The following CENPI variants were observed in gnomAD, a reference collection of about 807,000 sequenced individuals.
CENPI encodes centromere protein I, also known as FSH primary response 1.
CENPI carries 4 observed loss-of-function variants against 60.4 expected under a neutral mutation model. That is an observed-to-expected ratio of 0.07 (90% CI 0.03 to 0.15). The LOEUF is 0.15. CENPI is among the 10% of genes least tolerant of loss of function. The pLI, the probability that CENPI is intolerant of heterozygous loss-of-function variation, is 1.00. For missense variants in CENPI, 444 were observed against 534.5 expected, an observed-to-expected ratio of 0.83 and a Z score of 1.67; for synonymous variants, 157 against 189.4, an observed-to-expected ratio of 0.83 and a Z score of 1.40.
At chrX:101,181,547 C>T in the CENPI span, among the ~76,000 whole-genome samples, 6 of 112,099 alleles carry the variant, frequency 5.4e-5, no homozygotes, top group African/African-American at 1.3e-4. Flanking sequence ...TTATTATTTT[C>T]GATGCTATTA....
At chrX:101,141,839 C>T (rs902202655) in intron 16 of CENPI, among the ~76,000 whole-genome samples, 2 of 110,757 alleles carry the variant, frequency 1.8e-5, no homozygotes, top group African/African-American at 6.6e-5. Context: ...CTCAAGCAAT[C>T]CTCCCACCTC....
the CENPI span, among the ~76,000 whole-genome samples, chrX:101,174,874 G>A: frequency 2.7e-5 from 3 of 111,718 alleles, no homozygotes; most frequent in African/African-American, 9.8e-5. Flanking sequence ...TTGGGAGGCC[G>A]AGGCGGGTGG....
Position 101,123,834 on chromosome X carries a change from C to T in CENPI, c.688-2875C>T, listed in dbSNP as rs1323149444. 5.4e-5 allele frequency among the ~76,000 whole-genome samples: 6 copies of T among 111,265 alleles called. No individual in the cohort carries two copies. In the East Asian group the frequency reaches 8.5e-4, roughly 16 times the overall value. Reference sequence around the variant, plus strand: ...AACTCTTGGGCTCAAGCAATCCTCCCGCCTTGGCCTCCCAAAGTGCTGGGA... The same window carrying T: ...AACTCTTGGGCTCAAGCAATCCTCCTGCCTTGGCCTCCCAAAGTGCTGGGA... On this transcript the variant is annotated intron_variant, in intron 8 of 21. Coordinates refer to ENST00000682095, the MANE Select transcript of CENPI (RefSeq NM_001386188.2).
At chrX:101,100,781 A>G (rs950730519) in intron 2 of CENPI, 2 of 294,920 alleles carry the variant, frequency 6.8e-6, no homozygotes, top group East Asian at 5.6e-5. Flanking sequence ...GAGAACTTGC[A>G]TATGTTGCCT....
At chrX:101,114,340 T>C (rs1333039392) in intron 6 of CENPI, among the ~76,000 whole-genome samples, 2 of 112,057 alleles carry the variant, frequency 1.8e-5, no homozygotes, top group African/African-American at 3.2e-5. Context: ...CCATTTAAAG[T>C]ATTCAATTTG....
intron 8 of CENPI, among the ~76,000 whole-genome samples, chrX:101,125,343 A>T (rs1484391256): frequency 9.0e-6 from 1 of 111,374 alleles, no homozygotes; most frequent in African/African-American, 3.3e-5. Flanking sequence ...ATATGCTGTT[A>T]TCTCCTCTCT....
chrX:101,121,000 C>A (rs554387877), intron 8 of CENPI, among the ~76,000 whole-genome samples: 2 of 108,666 alleles, frequency 1.8e-5, no homozygotes, highest in South Asian at 8.1e-4. Context: ...CTTACCCTCC[C>A]GAGTAGCTGG....
the CENPI span, among the ~76,000 whole-genome samples, chrX:101,181,781 C>A: frequency 2.7e-5 from 3 of 111,274 alleles, no homozygotes; most frequent in African/African-American, 9.8e-5. Context: ...ATTTCATTTT[C>A]CTGACTAATT....
intron 8 of CENPI, among the ~76,000 whole-genome samples, chrX:101,123,694 C>G (rs749080753): frequency 9.1e-6 from 1 of 110,140 alleles, no homozygotes. Flanking sequence ...CTCAAGCGAT[C>G]CTCCCTCCTC....
chrX:101,122,705 G>A (rs1266344659), intron 8 of CENPI, among the ~76,000 whole-genome samples: 3 of 110,346 alleles, frequency 2.7e-5, no homozygotes, highest in African/African-American at 9.9e-5. Flanking sequence ...GTGAAACCCC[G>A]TCTCTACTAA....
In CENPI at chrX:101,102,400, G is replaced by C. The variant is rs771844571; in HGVS notation, c.353G>C (p.Ser118Thr). 3 of 1,169,218 alleles carry C rather than the reference G, an allele frequency of 2.6e-6. No individual in the cohort carries two copies. In the Admixed American group the frequency reaches 7.3e-5, roughly 28 times the overall value. ...GATATTCTATTAAATATTGCACTCA[G>C]TGGCAAATTTGGTATGTTGAGGAAA... ...EIDILLNIAL[S>T]GKFGNAVNTR... The change falls in exon 4 of 22, where the codon AGT becomes ACT. Residue 118 changes from serine (S) to threonine (T), a missense_variant. Ser to Thr is a moderately conservative substitution (Grantham distance 58). Transcript: ENST00000682095.
intron 20 of CENPI, among the ~76,000 whole-genome samples, chrX:101,153,294 T>C (rs781300379): frequency 1.1e-5 from 1 of 92,466 alleles, no homozygotes; most frequent in Admixed American, 1.1e-4. Context: ...TTTATATTTC[T>C]TGTTCTTTTT....
intron 3 of CENPI, 29 bp downstream of exon 3, chrX:101,101,325 C>T: frequency 3.1e-6 from 3 of 967,410 alleles, no homozygotes; most frequent in Non-Finnish European, 4.4e-6. Flanking sequence ...CCTTATGAAA[C>T]TCCTATTTCT....
intron 21 of CENPI, 67 bp downstream of exon 21, chrX:101,161,636 A>G: frequency 1.9e-6 from 2 of 1,027,577 alleles, no homozygotes; most frequent in Non-Finnish European, 2.7e-6. Flanking sequence ...GAGAATTTAT[A>G]CTTTTCCTTT....
chrX:101,119,489 A>C (rs759127074), intron 6 of CENPI, among the ~76,000 whole-genome samples: 30 of 112,037 alleles, frequency 2.7e-4, no homozygotes, highest in African/African-American at 8.1e-4. Context: ...CTCTGTCACA[A>C]CTATTCAACT....
chrX:101,168,049 T>A (rs2090148529), downstream of CENPI, among the ~76,000 whole-genome samples: 1 of 111,796 alleles, frequency 8.9e-6, no homozygotes, highest in East Asian at 2.8e-4. Context: ...CAGCCAGAAG[T>A]TTAAAAGGGA....
chrX:101,102,816 A>G (rs2089436729), intron 4 of CENPI, among the ~76,000 whole-genome samples: 1 of 105,009 alleles, frequency 9.5e-6, no homozygotes, highest in Admixed American at 1.0e-4. Flanking sequence ...AGTAGCTGGG[A>G]CTACAGGTGC....
chrX:101,159,727 G>T (rs1043367384), intron 20 of CENPI, among the ~76,000 whole-genome samples: 2 of 111,854 alleles, frequency 1.8e-5, no homozygotes, highest in African/African-American at 6.5e-5. Context: ...CTCCCAAAAT[G>T]TTGGGATTAC....
intron 21 of CENPI, among the ~76,000 whole-genome samples, chrX:101,162,473 A>AAAATATATATATATATATAT (rs1303045267): frequency 1.5e-5 from 1 of 68,110 alleles, no homozygotes; most frequent in African/African-American, 6.9e-5. Context: ...AAAAAAAAAA[A>AAAATATATATATATATATAT]ATATATATAT....
Sources: gnomAD v4.1 joint callset for allele counts (sites outside exome capture counted in the v4.1 genomes callset) on GRCh38, gnomAD v4.1.1 for gene constraint, MANE v1.5 for transcripts, NCBI Gene and HGNC (gene_info 2026-07-23, HGNC 2026-07-21) for gene names.